Variants in KCNMA1 observed in about 807,000 individuals in gnomAD.
KCNMA1 encodes the protein potassium calcium-activated channel subfamily M alpha 1.
In KCNMA1, 29 loss-of-function variants were observed where a neutral mutation model predicts 140.0. The observed-to-expected ratio is 0.21, with a 90% CI of 0.15 to 0.28. The LOEUF (loss-of-function observed/expected upper bound fraction) is 0.28. Ranked by LOEUF, KCNMA1 falls within the 10% of genes least tolerant of loss-of-function variation. KCNMA1 has a pLI of 1.00. For missense variants in KCNMA1, 880 were observed against 1,602.2 expected, an observed-to-expected ratio of 0.55 and a Z score of 7.70; for synonymous variants, 612 against 611.9, an observed-to-expected ratio of 1.00 and a Z score of 0.00.
intron 25 of KCNMA1, among the ~76,000 whole-genome samples, chr10:76,899,204 A>AT (rs898427028): frequency 1.3e-5 from 2 of 152,090 alleles, no homozygotes; most frequent in African/African-American, 2.4e-5. Flanking sequence ...ATTTAATGTC[A>AT]TTTTTTCCAG....
chr10:77,580,835 C>A (rs1415202637), intron 1 of KCNMA1, among the ~76,000 whole-genome samples: 2 of 152,192 alleles, frequency 1.3e-5, no homozygotes, highest in African/African-American at 2.4e-5. Context: ...TCTGACCCTG[C>A]ACTCATAAAT....
intron 1 of KCNMA1, among the ~76,000 whole-genome samples, chr10:77,458,576 A>T (rs2154523043): frequency 6.6e-6 from 1 of 152,370 alleles, no homozygotes; most frequent in South Asian, 2.1e-4. Context: ...CTGACATTCA[A>T]CCATTTTTTA....
chr10:77,397,099 TG>T (rs1312608606), intron 2 of KCNMA1, among the ~76,000 whole-genome samples: 1 of 152,166 alleles, frequency 6.6e-6, no homozygotes, highest in Non-Finnish European at 1.5e-5. Flanking sequence ...AATATGAACA[TG>T]CAGAAACTAA....
intron 2 of KCNMA1, among the ~76,000 whole-genome samples, chr10:77,289,383 C>A (rs1349857332): frequency 3.3e-5 from 5 of 152,180 alleles, no homozygotes; most frequent in Non-Finnish European, 7.3e-5. Context: ...ATCTGTAACT[C>A]CAGCCGGCGT....
At position 77,465,817 on chromosome 10, in the gene KCNMA1, TGCTCCATTGCACAGCTTCAG is replaced by T. The variant is rs1416596018; in HGVS notation, c.379-61814_379-61795del. ...CCAATTCCATCCTTCAGCCCAAGGC[TGCTCCATTGCACAGCTTCAG>T]GAGGCACTGCCCATATGGTGGTCTA... is the stretch of plus-strand genomic sequence containing the variant. On this transcript the variant is annotated intron_variant, in intron 1 of 27. Coordinates refer to ENST00000286628, the MANE Select transcript of KCNMA1 (RefSeq NM_001161352.2). 3.3e-5 allele frequency among the ~76,000 whole-genome samples: 5 copies of T among 152,308 alleles called. No individual in the cohort carries two copies. The East Asian group carries it at 9.7e-4, about 29-fold the overall frequency.
intron 1 of KCNMA1, among the ~76,000 whole-genome samples, chr10:77,548,312 G>A (rs2061927817): frequency 6.6e-6 from 1 of 152,174 alleles, no homozygotes; most frequent in South Asian, 2.1e-4. Flanking sequence ...GCCTTACCCT[G>A]CAACCACGCC....
At chr10:77,051,584 G>A (rs1417574446) in intron 14 of KCNMA1, among the ~76,000 whole-genome samples, 4 of 152,232 alleles carry the variant, frequency 2.6e-5, no homozygotes, top group Non-Finnish European at 4.4e-5. Context: ...TTGGTTCAGA[G>A]ATTGAAAGTG....
chr10:77,583,775 G>A (rs952444801), intron 1 of KCNMA1, among the ~76,000 whole-genome samples: 2 of 152,148 alleles, frequency 1.3e-5, no homozygotes, highest in Non-Finnish European at 1.5e-5. Context: ...TTCAGGCCTA[G>A]CCTCAGTCCT....
chr10:77,187,378 G>C (rs558509223), intron 3 of KCNMA1, among the ~76,000 whole-genome samples: 14 of 152,296 alleles, frequency 9.2e-5, no homozygotes, highest in African/African-American at 3.4e-4. Flanking sequence ...CAGTGAGAGG[G>C]CTTGAAGCTA....
Position 77,580,788 on chromosome 10 carries a change from G to T in KCNMA1, c.378+56477C>A, listed in dbSNP as rs60573731. Among the ~76,000 whole-genome samples the T allele has an allele frequency of 9.0e-3, 1,368 of 152,308 alleles. 19 individuals carry two copies. The highest frequency in any genetic ancestry group is 0.031 in the African/African-American group (1,309 of 41,572). On this transcript the variant is annotated intron_variant, in intron 1 of 27. Transcript: ENST00000286628. ...TGTTGCAGGTACCTTTGCTCTCCGT[G>T]ATCTTTTGCCAATGACCCAAAAAGA...
chr10:77,079,873 T>C (rs553778583), intron 12 of KCNMA1, among the ~76,000 whole-genome samples: 1 of 152,304 alleles, frequency 6.6e-6, no homozygotes, highest in African/African-American at 2.4e-5. Flanking sequence ...AAATGCTTCA[T>C]ATTTCAAGCC....
chr10:77,144,010 G>A (rs1418127183), intron 5 of KCNMA1, among the ~76,000 whole-genome samples: 1 of 152,038 alleles, frequency 6.6e-6, no homozygotes, highest in Non-Finnish European at 1.5e-5. Flanking sequence ...TTGGAAAACT[G>A]GCAGTTTCTT....
chr10:77,094,323 A>T (rs570618267), intron 9 of KCNMA1, among the ~76,000 whole-genome samples: 4 of 152,248 alleles, frequency 2.6e-5, no homozygotes, highest in African/African-American at 9.6e-5. Flanking sequence ...CTCCCACTTC[A>T]GTTCCCACTA....
At chr10:77,019,194 G>C in intron 16 of KCNMA1, 95 bp from the exon 17 acceptor site, 1 of 747,726 alleles carries the variant, frequency 1.3e-6, no homozygotes, top group Non-Finnish European at 2.4e-6. Flanking sequence ...TGTGTTTATA[G>C]GGGGCCCACT....
At chr10:77,171,991 C>T (rs949300534) in intron 5 of KCNMA1, among the ~76,000 whole-genome samples, 3 of 152,244 alleles carry the variant, frequency 2.0e-5, no homozygotes, top group Admixed American at 1.3e-4. Context: ...TATGTTTTCC[C>T]CATCTTTGGG....
chr10:76,955,054 C>T (rs1217310031), intron 20 of KCNMA1, among the ~76,000 whole-genome samples: 1 of 152,154 alleles, frequency 6.6e-6, no homozygotes, highest in East Asian at 1.9e-4. Flanking sequence ...CTTAACCACT[C>T]TTGAAATGGA....
intron 19 of KCNMA1, among the ~76,000 whole-genome samples, chr10:76,984,836 C>T (rs1452134828): frequency 6.6e-6 from 1 of 152,166 alleles, no homozygotes; most frequent in African/African-American, 2.4e-5. Context: ...AATTGAGGGG[C>T]ATTGTCGTAC....
downstream of KCNMA1, among the ~76,000 whole-genome samples, chr10:76,880,511 G>T (rs567741010): frequency 6.6e-6 from 1 of 152,268 alleles, no homozygotes; most frequent in South Asian, 2.1e-4. Flanking sequence ...TTCAGGAAAC[G>T]GAACTGTATG....
chr10:77,164,932 CTAAAA>C (rs1366686835), intron 5 of KCNMA1, among the ~76,000 whole-genome samples: 1 of 151,972 alleles, frequency 6.6e-6, no homozygotes, highest in African/African-American at 2.4e-5. Flanking sequence ...TTTTTCCCAT[CTAAAA>C]TATGTTTTTT....
Sources: allele counts gnomAD v4.1 joint callset (sites outside exome capture counted in the v4.1 genomes callset), GRCh38; gene constraint gnomAD v4.1.1; transcripts MANE v1.5; gene names NCBI Gene and HGNC (gene_info 2026-07-23, HGNC 2026-07-21).